Variants in PCDH15 observed in about 807,000 individuals in gnomAD.
The protein encoded by PCDH15 is protocadherin-15.
In PCDH15, 129 loss-of-function variants were observed where a neutral mutation model predicts 178.5. The ratio of observed to expected loss-of-function variants is 0.72; its 90% CI spans 0.63 to 0.84. The LOEUF (loss-of-function observed/expected upper bound fraction) is 0.84. PCDH15 is among the 40% of genes least tolerant of loss of function. PCDH15 has a pLI of 0.00. For missense variants in PCDH15, 2,230 were observed against 2,099.9 expected (o/e 1.06, Z -1.21); for synonymous variants, 800 against 732.0 (o/e 1.09, Z -1.50).
chr10:54,777,770 A>G (rs1215000082), intron 1 of PCDH15, among the ~76,000 whole-genome samples: 5 of 152,162 alleles, frequency 3.3e-5, no homozygotes, highest in Admixed American at 6.5e-5. Context: ...GAAAAGAAAA[A>G]AATTGAGAAA....
At chr10:55,015,678 T>G (rs977373667) in intron 2 of PCDH15, among the ~76,000 whole-genome samples, 2 of 152,114 alleles carry the variant, frequency 1.3e-5, no homozygotes, top group African/African-American at 4.8e-5. Flanking sequence ...ATGTGAAAGA[T>G]TTGGACAGAG....
intron 2 of PCDH15, among the ~76,000 whole-genome samples, chr10:55,139,546 C>T (rs1411851879): frequency 6.6e-6 from 1 of 151,958 alleles, no homozygotes; most frequent in Non-Finnish European, 1.5e-5. Flanking sequence ...TGTTGAAAAG[C>T]TATCTTTTCT....
chr10:54,893,995 C>T (rs190032851), intron 3 of PCDH15, among the ~76,000 whole-genome samples: 74 of 152,194 alleles, frequency 4.9e-4, no homozygotes, highest in African/African-American at 1.6e-3. Context: ...AATCTGTTTG[C>T]TTGCTGTTTA....
intron 1 of PCDH15, among the ~76,000 whole-genome samples, chr10:55,176,903 CTGTTTGGGCAGGCAT>C (rs1342555337): frequency 6.6e-6 from 1 of 152,154 alleles, no homozygotes; most frequent in African/African-American, 2.4e-5. Context: ...CAGGCCCTAC[CTGTTTGGGCAGGCAT>C]TGTCAAGGGA....
At chr10:55,288,189 C>T (rs534086738) in intron 1 of PCDH15, among the ~76,000 whole-genome samples, 16 of 149,526 alleles carry the variant, frequency 1.1e-4, no homozygotes, top group Admixed American at 2.0e-4. Context: ...TATAGAGTAA[C>T]GGCACACGTA....
At chr10:54,512,801 C>G (rs2081839094) in intron 3 of PCDH15, among the ~76,000 whole-genome samples, 3 of 151,964 alleles carry the variant, frequency 2.0e-5, no homozygotes, top group African/African-American at 7.2e-5. Flanking sequence ...TATATTCTGT[C>G]TAATTATACT....
chr10:55,214,685 C>T (rs929443699), intron 1 of PCDH15, among the ~76,000 whole-genome samples: 3 of 151,924 alleles, frequency 2.0e-5, no homozygotes, highest in Non-Finnish European at 4.4e-5. Context: ...CTACATTGCT[C>T]AGGCTGCTCT....
At chr10:54,632,945 C>A (rs1044423120) in intron 2 of PCDH15, among the ~76,000 whole-genome samples, 1 of 152,002 alleles carries the variant, frequency 6.6e-6, no homozygotes, top group East Asian at 1.9e-4. Flanking sequence ...AGACAGATAG[C>A]CTGAATTCCC....
chr10:55,083,426 CAT>C (rs979926099), intron 2 of PCDH15, among the ~76,000 whole-genome samples: 6 of 151,746 alleles, frequency 4.0e-5, no homozygotes, highest in Non-Finnish European at 1.5e-5. Context: ...ATAAAAAACA[CAT>C]ATGAGAGACT....
chr10:54,368,774 T>C (rs1308548222), intron 5 of PCDH15, among the ~76,000 whole-genome samples: 1 of 151,892 alleles, frequency 6.6e-6, no homozygotes. Context: ...ACCTCAGAAA[T>C]ACAAAGGCAA....
chr10:53,955,627 T>C (rs112465037), intron 23 of PCDH15, among the ~76,000 whole-genome samples: 4 of 152,268 alleles, frequency 2.6e-5, no homozygotes, highest in African/African-American at 9.6e-5. Flanking sequence ...TGCTTTCCAT[T>C]TGTAACACAT....
chr10:55,128,274 T>C (rs1486018395), intron 2 of PCDH15, among the ~76,000 whole-genome samples: 7 of 152,018 alleles, frequency 4.6e-5, no homozygotes, highest in Admixed American at 4.6e-4. Context: ...AAAATGAGAA[T>C]ATGAGGATTC....
intron 2 of PCDH15, among the ~76,000 whole-genome samples, chr10:55,535,114 C>T (rs894206015): frequency 6.6e-6 from 1 of 151,944 alleles, no homozygotes; most frequent in Non-Finnish European, 1.5e-5. Flanking sequence ...CTTCTCACTA[C>T]CTGTATGTAA....
At chr10:54,406,160 T>C (rs1952642498) in intron 3 of PCDH15, among the ~76,000 whole-genome samples, 1 of 152,138 alleles carries the variant, frequency 6.6e-6, no homozygotes, top group Non-Finnish European at 1.5e-5. Flanking sequence ...TATGTCTTTT[T>C]GTTTTTTATG....
chr10:54,148,568 T>C (rs1285170578), intron 14 of PCDH15, among the ~76,000 whole-genome samples: 2 of 152,064 alleles, frequency 1.3e-5, no homozygotes, highest in Admixed American at 6.6e-5. Flanking sequence ...TCTACTGATG[T>C]GGAAGCCGTG....
At chr10:54,365,904 C>T (rs1339994923) in intron 5 of PCDH15, among the ~76,000 whole-genome samples, 1 of 151,670 alleles carries the variant, frequency 6.6e-6, no homozygotes, top group Admixed American at 6.6e-5. Flanking sequence ...AATAGAAGAA[C>T]ATGTTTACGA....
At chr10:55,298,271 A>T (rs1338273700) in intron 1 of PCDH15, among the ~76,000 whole-genome samples, 1 of 152,240 alleles carries the variant, frequency 6.6e-6, no homozygotes, top group Non-Finnish European at 1.5e-5. Context: ...ATGTAAAAAA[A>T]TATTGATCAT....
chr10:54,294,233 C>T (rs903456794), intron 8 of PCDH15, among the ~76,000 whole-genome samples: 2 of 151,842 alleles, frequency 1.3e-5, no homozygotes, highest in African/African-American at 2.4e-5. Context: ...AATCCAAACA[C>T]CACATGTTCT....
At chr10:54,594,372 A>T (rs1215762952) in intron 2 of PCDH15, among the ~76,000 whole-genome samples, 1 of 152,034 alleles carries the variant, frequency 6.6e-6, no homozygotes. Flanking sequence ...GACTCTGTAG[A>T]GCAGTCTTGC....
Sources: allele counts gnomAD v4.1 joint callset (sites outside exome capture counted in the v4.1 genomes callset), GRCh38; gene constraint gnomAD v4.1.1; transcripts MANE v1.5; gene names NCBI Gene and HGNC (gene_info 2026-07-23, HGNC 2026-07-21).